The following FHIT variants were observed in gnomAD, a reference collection of about 807,000 sequenced individuals.
The protein encoded by FHIT is fragile histidine triad diadenosine triphosphatase, also known as bis(5'-adenosyl)-triphosphatase.
A neutral mutation model predicts 17.9 loss-of-function variants in FHIT; 19 were observed. That is an observed-to-expected ratio of 1.06 (90% CI 0.74 to 1.56). FHIT has a LOEUF of 1.56. FHIT is among the 40% of genes most tolerant of loss of function. The probability of loss-of-function intolerance (pLI) is 0.00; values close to 1 mark genes in which losing one functional copy is unlikely to be tolerated. For missense variants in FHIT, 248 were observed against 189.2 expected, an observed-to-expected ratio of 1.31 and a Z score of -1.82; for synonymous variants, 81 against 69.7, an observed-to-expected ratio of 1.16 and a Z score of -0.81.
chr3:60,593,761 C>T (rs1249880342), intron 4 of FHIT, among the ~76,000 whole-genome samples: 2 of 152,074 alleles, frequency 1.3e-5, no homozygotes, highest in Admixed American at 1.3e-4. Context: ...GCCCTTTCTC[C>T]AAGCTGACAT....
At chr3:60,195,557 ATATTTATATT>A (rs1384268147) in intron 5 of FHIT, among the ~76,000 whole-genome samples, 1 of 141,670 alleles carries the variant, frequency 7.1e-6, no homozygotes, top group Non-Finnish European at 1.5e-5. Flanking sequence ...ATATATATAT[ATATTTATATT>A]TATATAATTA....
Position 60,360,481 on chromosome 3 carries a change from C to G in FHIT, c.103+176379G>C, listed in dbSNP as rs369422980. The stretch of plus-strand genomic sequence containing the variant: ...AATGTTATGGTAGAATGGAAAAATG[C>G]AAGTCTTTGACTCTGAGAGCCCTGG... On this transcript the variant is annotated intron_variant, in intron 5 of 9. Transcript: ENST00000492590. Among the ~76,000 whole-genome samples the G allele has an allele frequency of 9.2e-5, 14 of 152,220 alleles. No individual in the cohort carries two copies. The East Asian group carries it at 1.7e-3, about 19-fold the overall frequency.
At chr3:61,206,360 C>A (rs1295772702) in intron 1 of FHIT, among the ~76,000 whole-genome samples, 1 of 140,460 alleles carries the variant, frequency 7.1e-6, no homozygotes, top group East Asian at 2.4e-4. Context: ...TGAAGAAAGT[C>A]ATTGGTAGCT....
intron 8 of FHIT, among the ~76,000 whole-genome samples, chr3:59,913,948 G>C (rs889378396): frequency 1.3e-5 from 2 of 152,080 alleles, no homozygotes; most frequent in Admixed American, 6.6e-5. Flanking sequence ...TCTAAATCTG[G>C]GGAAGGTCAT....
intron 5 of FHIT, among the ~76,000 whole-genome samples, chr3:60,487,458 G>C (rs145845504): frequency 1.3e-5 from 2 of 152,166 alleles, no homozygotes; most frequent in African/African-American, 4.8e-5. Context: ...CAACAATTGA[G>C]AGACTTCTAC....
chr3:60,630,459 C>T (rs2039408923), intron 4 of FHIT, among the ~76,000 whole-genome samples: 1 of 152,178 alleles, frequency 6.6e-6, no homozygotes, highest in South Asian at 2.1e-4. Flanking sequence ...CCAAAGCAAT[C>T]AAAATCCTAT....
At position 59,956,089 on chromosome 3, in the gene FHIT, A is replaced by T. The variant is rs1707379251; in HGVS notation, c.280-33675T>A. 1.3e-5 allele frequency among the ~76,000 whole-genome samples: 2 copies of T among 152,202 alleles called. 1 individual carries two copies. Among genetic ancestry groups the T allele is most frequent in the South Asian group, 4.2e-4 (2 of 4,818 alleles). ...TCTTCTATCATTTGGCTGCATTTCT[A>T]CTTGCCTATTTTTCATACTCGGAAC... On this transcript the variant is annotated intron_variant, in intron 7 of 9. Coordinates refer to ENST00000492590, the MANE Select transcript of FHIT (RefSeq NM_002012.4).
intron 5 of FHIT, among the ~76,000 whole-genome samples, chr3:60,494,464 TACAA>T (rs200913078): frequency 4.0e-4 from 61 of 151,498 alleles, no homozygotes; most frequent in African/African-American, 1.4e-3. Flanking sequence ...TCCTTTGTGT[TACAA>T]ACAATCAAAT....
chr3:60,547,103 A>G (rs1192126459), intron 4 of FHIT, among the ~76,000 whole-genome samples: 1 of 152,226 alleles, frequency 6.6e-6, no homozygotes, highest in Non-Finnish European at 1.5e-5. Context: ...AGACTGAGAT[A>G]AATATTAAAT....
chr3:61,070,178 G>GCCGT (rs2034756685), intron 2 of FHIT, among the ~76,000 whole-genome samples: 1 of 152,152 alleles, frequency 6.6e-6, no homozygotes, highest in South Asian at 2.1e-4. Flanking sequence ...ACAGGCATGA[G>GCCGT]CCGTCGTTCC....
At chr3:61,225,553 A>G (rs947101125) in intron 1 of FHIT, among the ~76,000 whole-genome samples, 1 of 152,246 alleles carries the variant, frequency 6.6e-6, no homozygotes, top group Non-Finnish European at 1.5e-5. Flanking sequence ...TCAAAGCTTA[A>G]TAACCAATTC....
chr3:60,635,891 G>C (rs2039571966), intron 4 of FHIT, among the ~76,000 whole-genome samples: 3 of 152,018 alleles, frequency 2.0e-5, no homozygotes, highest in African/African-American at 7.2e-5. Flanking sequence ...TTTTAAAAAA[G>C]AATACTTTAA....
intron 4 of FHIT, among the ~76,000 whole-genome samples, chr3:60,606,367 A>G (rs2038608785): frequency 6.6e-6 from 1 of 151,860 alleles, no homozygotes; most frequent in Non-Finnish European, 1.5e-5. Context: ...CAGCCTCCCA[A>G]GTAGCTGGGA....
chr3:60,569,951 A>G (rs1038495042), intron 4 of FHIT, among the ~76,000 whole-genome samples: 3 of 151,776 alleles, frequency 2.0e-5, no homozygotes, highest in South Asian at 2.1e-4. Flanking sequence ...ATACAATTCA[A>G]TGGTTTTTAA....
intron 5 of FHIT, among the ~76,000 whole-genome samples, chr3:60,268,403 TGTTTATG>T (rs1706691779): frequency 6.6e-6 from 1 of 152,174 alleles, no homozygotes. Context: ...CCTGATGTCT[TGTTTATG>T]GCTGTATATC....
At chr3:59,828,242 A>C (rs1701042643) in intron 8 of FHIT, among the ~76,000 whole-genome samples, 1 of 152,228 alleles carries the variant, frequency 6.6e-6, no homozygotes, top group Admixed American at 6.5e-5. Context: ...AAAAATAATC[A>C]TCAGAAACAA....
chr3:60,276,496 G>A (rs1707143787), intron 5 of FHIT, among the ~76,000 whole-genome samples: 1 of 152,182 alleles, frequency 6.6e-6, no homozygotes, highest in South Asian at 2.1e-4. Flanking sequence ...AACCTGGTGA[G>A]AGAACTGGCC....
intron 5 of FHIT, among the ~76,000 whole-genome samples, chr3:60,479,155 T>G (rs922669007): frequency 2.0e-5 from 3 of 152,228 alleles, no homozygotes; most frequent in African/African-American, 7.2e-5. Flanking sequence ...TATGATCACA[T>G]TATTGATTCT....
intron 5 of FHIT, among the ~76,000 whole-genome samples, chr3:60,444,863 A>G (rs1361542023): frequency 2.0e-5 from 3 of 152,078 alleles, no homozygotes; most frequent in African/African-American, 7.2e-5. Context: ...ATTTTAAAAA[A>G]AAAGAAAGAA....
Sources: allele counts gnomAD v4.1 joint callset (sites outside exome capture counted in the v4.1 genomes callset), GRCh38; gene constraint gnomAD v4.1.1; transcripts MANE v1.5; gene names NCBI Gene and HGNC (gene_info 2026-07-23, HGNC 2026-07-21).